VPS13B: variants seen among roughly 807,000 people sequenced by gnomAD.
VPS13B encodes the protein vacuolar protein sorting 13 homolog B.
Under a neutral mutation model 426.4 loss-of-function variants are expected in VPS13B, and 285 were observed. That is an observed-to-expected ratio of 0.67 (90% CI 0.61 to 0.74). The LOEUF is 0.74. VPS13B is among the 30% of genes least tolerant of loss of function. The pLI, the probability that VPS13B is intolerant of heterozygous loss-of-function variation, is 0.00. For missense variants in VPS13B, 4,537 were observed against 4,782.6 expected (o/e 0.95, Z 1.51); for synonymous variants, 1,676 against 1,676.4 (o/e 1.00, Z 0.01).
chr8:99,092,959 A>G (rs1846223432), intron 3 of VPS13B, among the ~76,000 whole-genome samples: 1 of 151,656 alleles, frequency 6.6e-6, no homozygotes, highest in Non-Finnish European at 1.5e-5. Context: ...CAGTGCTATC[A>G]TTATTTAATT....
At chr8:99,707,898 T>C (rs778632111) in intron 36 of VPS13B, among the ~76,000 whole-genome samples, 1 of 152,198 alleles carries the variant, frequency 6.6e-6, no homozygotes, top group Non-Finnish European at 1.5e-5. Flanking sequence ...ACCTGGATTA[T>C]GTAGATCAAG....
chr8:99,213,508 A>G (rs1388167412), intron 17 of VPS13B, among the ~76,000 whole-genome samples: 3 of 152,156 alleles, frequency 2.0e-5, no homozygotes, highest in South Asian at 2.1e-4. Context: ...ATCCTTTTAT[A>G]TAAGAAGTAG....
chr8:99,103,428 C>G (rs1588039409), intron 5 of VPS13B, among the ~76,000 whole-genome samples: 1 of 146,922 alleles, frequency 6.8e-6, no homozygotes, highest in East Asian at 2.1e-4. Context: ...CTCCCGGGCT[C>G]AAACAATCCT....
chr8:99,729,266 GT>G, intron 39 of VPS13B, among the ~76,000 whole-genome samples: 1 of 152,248 alleles, frequency 6.6e-6, no homozygotes, highest in Admixed American at 6.5e-5. Flanking sequence ...CAAACTCATG[GT>G]TTGTGTTGAC....
intron 43 of VPS13B, among the ~76,000 whole-genome samples, chr8:99,794,312 G>A (rs1027020138): frequency 5.9e-5 from 9 of 152,180 alleles, no homozygotes; most frequent in African/African-American, 2.2e-4. Flanking sequence ...TTCCCAAGGA[G>A]AGAGTGCTAA....
intron 60 of VPS13B, chr8:99,871,112 CAAGG>C (rs1817385768): frequency 4.9e-6 from 3 of 608,816 alleles, no homozygotes; most frequent in East Asian, 5.7e-5. Flanking sequence ...CCTAACCACT[CAAGG>C]AAGGTCATAC....
intron 19 of VPS13B, among the ~76,000 whole-genome samples, chr8:99,362,028 T>G (rs1439322659): frequency 1.3e-5 from 2 of 152,214 alleles, no homozygotes; most frequent in African/African-American, 4.8e-5. Flanking sequence ...CTCCAAAGTC[T>G]TCTGCTCCTC....
intron 3 of VPS13B, among the ~76,000 whole-genome samples, chr8:99,059,961 C>G (rs1288128890): frequency 6.6e-6 from 1 of 151,976 alleles, no homozygotes; most frequent in Non-Finnish European, 1.5e-5. Context: ...GTCTTGAACT[C>G]CTGACCTCAG....
intron 43 of VPS13B, among the ~76,000 whole-genome samples, chr8:99,806,668 A>T (rs1813418445): frequency 6.6e-6 from 1 of 152,208 alleles, no homozygotes; most frequent in Admixed American, 6.5e-5. Context: ...GAATCAGGTG[A>T]TCTAACACAA....
chr8:99,677,740 A>G (rs978380705), intron 35 of VPS13B, among the ~76,000 whole-genome samples: 2 of 151,644 alleles, frequency 1.3e-5, no homozygotes, highest in African/African-American at 4.8e-5. Context: ...AGTCATTTAG[A>G]TTTTTTTTTA....
At chr8:99,834,236 A>C (rs192115991) in intron 52 of VPS13B, among the ~76,000 whole-genome samples, 8 of 152,210 alleles carry the variant, frequency 5.3e-5, no homozygotes, top group Non-Finnish European at 1.5e-5. Flanking sequence ...ATTCTATGTA[A>C]TTTAGGCTTC....
chr8:99,641,438 GCAGA>G (rs1273812207), intron 33 of VPS13B, among the ~76,000 whole-genome samples: 2 of 152,058 alleles, frequency 1.3e-5, no homozygotes, highest in East Asian at 1.9e-4. Flanking sequence ...TCATGATTTT[GCAGA>G]CAGTTTATTA....
At chr8:99,335,103 G>A (rs745652926) in intron 19 of VPS13B, among the ~76,000 whole-genome samples, 10 of 152,122 alleles carry the variant, frequency 6.6e-5, no homozygotes, top group Non-Finnish European at 1.3e-4. Flanking sequence ...CATGTGTTGA[G>A]GAATTTATCC....
chr8:99,764,144 G>C (rs1811084939), intron 39 of VPS13B, among the ~76,000 whole-genome samples: 1 of 152,066 alleles, frequency 6.6e-6, no homozygotes, highest in African/African-American at 2.4e-5. Context: ...AAGGATCTTA[G>C]AGTCAACTAA....
At chr8:99,188,701 C>G (rs1185519432) in intron 16 of VPS13B, among the ~76,000 whole-genome samples, 1 of 152,282 alleles carries the variant, frequency 6.6e-6, no homozygotes, top group East Asian at 1.9e-4. Flanking sequence ...GTTCCAATTT[C>G]TACCTATTCA....
intron 6 of VPS13B, among the ~76,000 whole-genome samples, chr8:99,114,360 C>A (rs73699967): frequency 1.3e-3 from 198 of 152,234 alleles, no homozygotes; most frequent in African/African-American, 4.4e-3. Flanking sequence ...TTTGAAAACA[C>A]ATTCACTGGT....
At chr8:99,225,969 G>C (rs1201307475) in intron 17 of VPS13B, among the ~76,000 whole-genome samples, 1 of 151,862 alleles carries the variant, frequency 6.6e-6, no homozygotes, top group East Asian at 1.9e-4. Flanking sequence ...TTTTGAGACA[G>C]AGTCTCGCTC....
At chr8:99,377,436 C>G (rs1813549429) in intron 19 of VPS13B, among the ~76,000 whole-genome samples, 1 of 152,180 alleles carries the variant, frequency 6.6e-6, no homozygotes, top group African/African-American at 2.4e-5. Context: ...CCTTAATTCT[C>G]TCTTCAACTG....
chr8:99,322,392 C>T (rs920779872), intron 19 of VPS13B, among the ~76,000 whole-genome samples: 1 of 151,836 alleles, frequency 6.6e-6, no homozygotes, highest in Non-Finnish European at 1.5e-5. Context: ...GTAGAGATTC[C>T]GTTTGTTTTC....
Sources: allele counts gnomAD v4.1 joint callset (sites outside exome capture counted in the v4.1 genomes callset), GRCh38; gene constraint gnomAD v4.1.1; transcripts MANE v1.5; gene names NCBI Gene and HGNC (gene_info 2026-07-23, HGNC 2026-07-21).